Variants in IL1R1 observed in about 807,000 individuals in gnomAD.
IL1R1 encodes interleukin 1 receptor type 1, also known as interleukin-1 receptor type 1.
A neutral mutation model predicts 50.2 loss-of-function variants in IL1R1; 22 were observed. That is an observed-to-expected ratio of 0.44 (90% confidence interval 0.31 to 0.63). IL1R1 has a LOEUF of 0.63. IL1R1 is among the 20% of genes least tolerant of loss of function. The pLI is 0.07. For missense variants in IL1R1, 509 were observed against 676.2 expected, an observed-to-expected ratio of 0.75 and a Z score of 2.74; for synonymous variants, 251 against 236.7, an observed-to-expected ratio of 1.06 and a Z score of -0.55.
In IL1R1 at chr2:102,083,687, T is replaced by C. The variant is rs146670086; in HGVS notation, c.-84+13154T>C. ...TCGGCCAGGTGTGGTGGCTCACACC[T>C]GCAATCCCAGCACTTTGGGACGCCG... is the stretch of plus-strand genomic sequence containing the variant. On this transcript the variant is annotated intron_variant, in intron 1 of 11. Coordinates refer to the IL1R1 transcript ENST00000409929. 1.8e-4 allele frequency among the ~76,000 whole-genome samples: 27 copies of C among 152,314 alleles called. No homozygotes were observed. In the East Asian group the frequency reaches 5.2e-3, roughly 29 times the overall value.
chr2:102,164,599 A>C (rs1252134503), intron 3 of IL1R1, among the ~76,000 whole-genome samples, 175 bp from the exon 4 acceptor site: 1 of 152,132 alleles, frequency 6.6e-6, no homozygotes, highest in African/African-American at 2.4e-5. Flanking sequence ...ATGCAGCTGG[A>C]CTTGAATATG....
chr2:102,076,815 T>G (rs577479993), intron 1 of IL1R1, among the ~76,000 whole-genome samples: 1 of 152,270 alleles, frequency 6.6e-6, no homozygotes, highest in South Asian at 2.1e-4. Context: ...TTGCCCTTCT[T>G]GGATCTGTGG....
At position 102,146,445 on chromosome 2, in the gene IL1R1, C is replaced by A. The variant is rs1018109631; in HGVS notation, c.-84+3425C>A. 2.6e-5 allele frequency among the ~76,000 whole-genome samples: 4 copies of A among 152,248 alleles called. No individual in the cohort carries two copies. The East Asian group carries it at 7.7e-4, about 29-fold the overall frequency. The stretch of plus-strand genomic sequence containing the variant: ...TATTAAAATTATGCATTTCAGTGTG[C>A]AGATGCTTGAGCTAAGCTGAACTAC... On this transcript the variant is annotated intron_variant, in intron 1 of 11. Transcript: ENST00000410023.
chr2:102,111,523 T>C (rs1680761830), intron 1 of IL1R1, among the ~76,000 whole-genome samples: 1 of 152,210 alleles, frequency 6.6e-6, no homozygotes, highest in Admixed American at 6.5e-5. Flanking sequence ...TGACAGATTA[T>C]TATTGCATGT....
At chr2:102,127,643 ATGTGTGTGTGTGACTGTGTGTG>A (rs1020010402) in intron 1 of IL1R1, among the ~76,000 whole-genome samples, 5 of 141,092 alleles carry the variant, frequency 3.5e-5, no homozygotes, top group Admixed American at 1.5e-4. Context: ...TAAGACAGAG[ATGTGTGTGTGTGACTGTGTGTG>A]TGTGTGTGTG....
At chr2:102,136,399 C>T (rs144360887) in intron 1 of IL1R1, among the ~76,000 whole-genome samples, 3,568 of 98,400 alleles carry the variant, frequency 0.036, 107 homozygotes, top group African/African-American at 0.099. Context: ...TTTTTTGAGA[C>T]GGAGTCTCAC....
chr2:102,090,175 G>A (rs1679605092), intron 1 of IL1R1, among the ~76,000 whole-genome samples: 1 of 144,484 alleles, frequency 6.9e-6, no homozygotes, highest in Admixed American at 6.9e-5. Context: ...TTGTAATTTG[G>A]CCTTCTAGTC....
At chr2:102,116,005 C>T (rs1681050474) in intron 1 of IL1R1, among the ~76,000 whole-genome samples, 1 of 152,144 alleles carries the variant, frequency 6.6e-6, no homozygotes, top group South Asian at 2.1e-4. Flanking sequence ...GGAGCTTGCT[C>T]AGCAGTATTT....
intron 1 of IL1R1, among the ~76,000 whole-genome samples, chr2:102,073,820 A>C (rs1678844644): frequency 1.3e-5 from 2 of 152,168 alleles, no homozygotes; most frequent in East Asian, 3.9e-4. Context: ...GGCAAAAAGC[A>C]ACCCTACCTT....
chr2:102,158,684 G>T lies in IL1R1; in HGVS notation c.61+899G>T, dbSNP rs3917336. Among the ~76,000 whole-genome samples the T allele has an allele frequency of 2.3e-3, 351 of 152,322 alleles. 1 individual carries two copies. The highest frequency in any genetic ancestry group is 4.2e-3 in the Non-Finnish European group (288 of 68,026). ...CTGGGTAATGGGGGGATGGCAGAGG[G>T]TTGATTATATGGAATGTTGTGCCCT... On this transcript the variant is annotated intron_variant, in intron 3 of 11. Coordinates refer to ENST00000410023, the MANE Select transcript of IL1R1 (RefSeq NM_000877.4).
chr2:102,127,653 GTGAC>G (rs1553628407), intron 1 of IL1R1, among the ~76,000 whole-genome samples: 1 of 120,870 alleles, frequency 8.3e-6, no homozygotes, highest in African/African-American at 3.8e-5. Flanking sequence ...ATGTGTGTGT[GTGAC>G]TGTGTGTGTG....
chr2:102,151,166 G>A (rs974800839), intron 1 of IL1R1, among the ~76,000 whole-genome samples: 4 of 152,090 alleles, frequency 2.6e-5, no homozygotes, highest in Non-Finnish European at 5.9e-5. Flanking sequence ...TCCTATTCCT[G>A]TAGTTCCCTC....
intron 1 of IL1R1, among the ~76,000 whole-genome samples, chr2:102,072,360 A>G (rs1302475412): frequency 1.3e-5 from 2 of 152,212 alleles, no homozygotes; most frequent in East Asian, 3.8e-4. Flanking sequence ...AATATTGCTA[A>G]GCCAAATAGA....
chr2:102,138,120 C>A (rs371100536), upstream of IL1R1, among the ~76,000 whole-genome samples: 7 of 152,262 alleles, frequency 4.6e-5, no homozygotes, highest in East Asian at 9.7e-4. Flanking sequence ...GGAAGGGCTG[C>A]CTTTTGGGTG....
At chr2:102,087,039 C>T (rs951357734) in intron 1 of IL1R1, among the ~76,000 whole-genome samples, 1 of 148,014 alleles carries the variant, frequency 6.8e-6, no homozygotes, top group Non-Finnish European at 1.5e-5. Context: ...GTCACAATTT[C>T]TTTTTTTTTT....
chr2:102,082,120 T>C (rs150778965), intron 1 of IL1R1, among the ~76,000 whole-genome samples: 15 of 152,284 alleles, frequency 9.9e-5, no homozygotes, highest in African/African-American at 3.4e-4. Flanking sequence ...GTCCTCCCTT[T>C]CCTTCTTCAA....
In IL1R1 at chr2:102,177,526, A is replaced by G. The variant is rs1355481030; in HGVS notation, c.*767A>G. ...AGGAAGGGAGACATATTCTTGGAGA[A>G]CTTTCCATCTGCTTGTATTTTCCAT... On this transcript the variant is annotated 3_prime_UTR_variant, in exon 12 of 12. Coordinates refer to ENST00000410023, the MANE Select transcript of IL1R1 (RefSeq NM_000877.4). The G allele has an allele frequency of 6.5e-6, 1 of 153,018 alleles. No homozygotes were observed. Among genetic ancestry groups the G allele is most frequent in the African/African-American group, 2.4e-5 (1 of 41,462 alleles). 9.5% of individuals were successfully genotyped at this position (153,018 alleles called of 1,614,324 possible).
chr2:102,166,331 G>T, intron 6 of IL1R1, 50 bp downstream of exon 6: 1 of 1,386,544 alleles, frequency 7.2e-7, no homozygotes, highest in Non-Finnish European at 9.9e-7. Context: ...AAGGTCCAGA[G>T]ACTGTGATTC....
chr2:102,097,710 A>G (rs1022604999), intron 1 of IL1R1, among the ~76,000 whole-genome samples: 8 of 152,100 alleles, frequency 5.3e-5, no homozygotes, highest in Admixed American at 4.6e-4. Flanking sequence ...AAATCTGAAT[A>G]GTCTCATATA....
Sources: allele counts gnomAD v4.1 joint callset (sites outside exome capture counted in the v4.1 genomes callset), GRCh38; gene constraint gnomAD v4.1.1; transcripts MANE v1.5; gene names NCBI Gene and HGNC (gene_info 2026-07-23, HGNC 2026-07-21).